Variants in PPP1R12A observed in about 807,000 individuals in gnomAD.
PPP1R12A encodes protein phosphatase 1 regulatory subunit 12A.
A neutral mutation model predicts 139.6 loss-of-function variants in PPP1R12A; 19 were observed. The observed-to-expected ratio is 0.14, with a 90% CI of 0.09 to 0.20. The LOEUF (loss-of-function observed/expected upper bound fraction) is 0.20, where lower values mean the gene tolerates loss of function less well. Ranked by LOEUF, PPP1R12A falls within the 10% of genes least tolerant of loss-of-function variation. The pLI is 1.00. For missense variants in PPP1R12A, 925 were observed against 1,211.5 expected, an observed-to-expected ratio of 0.76 and a Z score of 3.51; for synonymous variants, 427 against 420.6, an observed-to-expected ratio of 1.02 and a Z score of -0.19.
At chr12:79,826,078 A>G (rs1299407039) in intron 5 of PPP1R12A, among the ~76,000 whole-genome samples, 1 of 151,982 alleles carries the variant, frequency 6.6e-6, no homozygotes, top group Non-Finnish European at 1.5e-5. Context: ...TAAAATTTAT[A>G]TTTTTATAGC....
At chr12:79,863,137 G>A (rs1881539104) in intron 2 of PPP1R12A, among the ~76,000 whole-genome samples, 1 of 152,186 alleles carries the variant, frequency 6.6e-6, no homozygotes, top group Non-Finnish European at 1.5e-5. Flanking sequence ...AACCCTAGAA[G>A]CCAGAAGAGA....
chr12:79,886,433 G>A (rs1884110370), intron 1 of PPP1R12A, among the ~76,000 whole-genome samples: 1 of 152,116 alleles, frequency 6.6e-6, no homozygotes, highest in African/African-American at 2.4e-5. Flanking sequence ...AAATCTAGAT[G>A]TAAAAACAGA....
chr12:79,783,995 C>T (rs571945907), intron 22 of PPP1R12A, among the ~76,000 whole-genome samples: 54 of 152,200 alleles, frequency 3.5e-4, no homozygotes, highest in African/African-American at 1.2e-3. Flanking sequence ...GGTACCTGGG[C>T]TAGGGCAAGA....
intron 1 of PPP1R12A, among the ~76,000 whole-genome samples, chr12:79,920,829 C>T (rs1319860852): frequency 6.6e-6 from 1 of 152,196 alleles, no homozygotes; most frequent in African/African-American, 2.4e-5. Context: ...GACCCTACAA[C>T]CTTGGACTTC....
At chr12:79,898,303 A>C (rs1408144967) in intron 1 of PPP1R12A, among the ~76,000 whole-genome samples, 2 of 152,124 alleles carry the variant, frequency 1.3e-5, no homozygotes, top group Non-Finnish European at 2.9e-5. Flanking sequence ...ACAAAAAGAA[A>C]AAATTAGCCA....
At chr12:79,807,175 C>T in intron 12 of PPP1R12A, 51 bp downstream of exon 12, 1 of 1,052,422 alleles carries the variant, frequency 9.5e-7, no homozygotes, top group South Asian at 1.6e-5. Flanking sequence ...CAAATTGCCT[C>T]ATATTTTTAT....
chr12:79,776,585 A>G (rs1202960483), intron 24 of PPP1R12A, among the ~76,000 whole-genome samples: 1 of 152,048 alleles, frequency 6.6e-6, no homozygotes, highest in African/African-American at 2.4e-5. Context: ...ACAAGCAATT[A>G]CTATTATTAG....
chr12:79,843,552 C>A (rs1015751731), intron 3 of PPP1R12A, among the ~76,000 whole-genome samples: 2 of 151,476 alleles, frequency 1.3e-5, no homozygotes, highest in African/African-American at 2.4e-5. Flanking sequence ...TGCAGCGAAC[C>A]CAGATTGCGC....
intron 8 of PPP1R12A, 59 bp from the exon 9 acceptor site, chr12:79,817,577 G>C: frequency 7.0e-7 from 1 of 1,433,418 alleles, no homozygotes; most frequent in Non-Finnish European, 9.4e-7. Flanking sequence ...TCAATGGCTG[G>C]GAAAAAATCA....
At chr12:79,875,345 G>A (rs1331816077) in intron 1 of PPP1R12A, among the ~76,000 whole-genome samples, 1 of 152,194 alleles carries the variant, frequency 6.6e-6, no homozygotes, top group East Asian at 1.9e-4. Context: ...ATTTGACTTG[G>A]GGGATTGGGA....
intron 1 of PPP1R12A, among the ~76,000 whole-genome samples, chr12:79,892,239 CCT>C (rs1278207113): frequency 6.6e-6 from 1 of 152,188 alleles, no homozygotes; most frequent in East Asian, 1.9e-4. Flanking sequence ...TAAACTTAGT[CCT>C]CTCTCTCCAC....
intron 1 of PPP1R12A, among the ~76,000 whole-genome samples, chr12:79,906,601 TTATGTATG>T (rs566176366): frequency 1.3e-5 from 2 of 151,838 alleles, no homozygotes; most frequent in South Asian, 2.1e-4. Flanking sequence ...ATTTATTCAT[TTATGTATG>T]TATGTATGTA....
chr12:79,775,937 A>C lies in PPP1R12A; in HGVS notation c.3085T>G (p.Ser1029Ala). The change falls in exon 25 of 25, where the codon TCC (serine) becomes GCC (alanine). Residue 1029 changes from serine (S) to alanine (A), a missense_variant. Physicochemically the swap from Ser to Ala is moderately conservative, Grantham distance 99 (BLOSUM62 1). Transcript: ENST00000450142. The part of the protein sequence containing the change: ...GALIRVISKL[S>A]K ...TGCTGCTTTTTTTTTTTTTATTTGGAAAGTTTGCTTATAACTCTGATCAAG... is the reference window on the plus strand; with the variant it reads ...TGCTGCTTTTTTTTTTTTTATTTGGCAAGTTTGCTTATAACTCTGATCAAG... The C allele has an allele frequency of 6.4e-7, 1 of 1,573,266 alleles. No homozygotes were observed. Among genetic ancestry groups the C allele is most frequent in the Non-Finnish European group, 8.6e-7 (1 of 1,159,894 alleles).
At chr12:79,846,998 G>A (rs1879492192) in intron 2 of PPP1R12A, among the ~76,000 whole-genome samples, 1 of 151,138 alleles carries the variant, frequency 6.6e-6, no homozygotes, top group Admixed American at 6.6e-5. Context: ...TTCATACTTC[G>A]ACTATATAAA....
At position 79,778,596 on chromosome 12, in the gene PPP1R12A, C is replaced by T. The variant is rs1166904496; in HGVS notation, c.2960G>A (p.Arg987Gln). Reference protein sequence around the residue: ...RSLLEMEKRERRALERRISEM... With the variant: ...RSLLEMEKREQRALERRISEM... ...AGATATTCTTCTTTCTAGAGCTCTT[C>T]GTTCCTAGATCGATTTAAGGTACCA... The change falls in exon 24 of 25, where the codon CGA (arginine) becomes CAA (glutamine). Residue 987 changes from arginine to glutamine, a missense_variant. Arg to Gln is a conservative substitution (Grantham distance 43). Coordinates refer to ENST00000450142, the MANE Select transcript of PPP1R12A (RefSeq NM_002480.3). 5.9e-6 allele frequency: 9 copies of T among 1,525,406 alleles called. No individual in the cohort carries two copies. Among genetic ancestry groups the T allele is most frequent in the East Asian group, 2.4e-5 (1 of 41,050 alleles). The allele number at this position is 1,525,406 out of a possible 1,614,324, so 94.5% of individuals were successfully genotyped here.
intron 1 of PPP1R12A, among the ~76,000 whole-genome samples, chr12:79,873,990 T>G (rs1882839234): frequency 6.6e-6 from 1 of 152,146 alleles, no homozygotes. Context: ...AGAAAAGCAA[T>G]TAACGCCAGG....
chr12:79,836,445 TA>T (rs1302805146), intron 3 of PPP1R12A, among the ~76,000 whole-genome samples: 1 of 151,874 alleles, frequency 6.6e-6, no homozygotes, highest in Non-Finnish European at 1.5e-5. Context: ...AACTTCAAGT[TA>T]AAAAAAACCT....
chr12:79,828,189 T>C (rs1877020690), intron 5 of PPP1R12A, 131 bp downstream of exon 5: 1 of 794,680 alleles, frequency 1.3e-6, no homozygotes. Context: ...TGAAAAAATG[T>C]TTTATACAGT....
intron 1 of PPP1R12A, among the ~76,000 whole-genome samples, chr12:79,899,314 A>G (rs1000123557): frequency 3.4e-4 from 52 of 151,170 alleles, no homozygotes; most frequent in Non-Finnish European, 3.5e-4. Flanking sequence ...AAACCAGTGC[A>G]CACAACCTAA....
Sources: allele counts gnomAD v4.1 joint callset (sites outside exome capture counted in the v4.1 genomes callset), GRCh38; gene constraint gnomAD v4.1.1; transcripts MANE v1.5; gene names NCBI Gene and HGNC (gene_info 2026-07-23, HGNC 2026-07-21).